The following LACTB variants were observed in gnomAD, a reference collection of about 807,000 sequenced individuals.
LACTB encodes lactamase beta.
In LACTB, 35 loss-of-function variants were observed where a neutral mutation model predicts 50.2. That is an observed-to-expected ratio of 0.70 (90% confidence interval 0.53 to 0.92). LACTB has a LOEUF of 0.92. LACTB is among the 40% of genes least tolerant of loss of function. The pLI, the probability that LACTB is intolerant of heterozygous loss-of-function variation, is 0.00. For missense variants in LACTB, 664 were observed against 691.8 expected (o/e 0.96, Z 0.45); for synonymous variants, 252 against 268.2 (o/e 0.94, Z 0.59).
intron 4 of LACTB, among the ~76,000 whole-genome samples, chr15:63,128,330 C>T (rs1477461991): frequency 6.6e-6 from 1 of 152,318 alleles, no homozygotes; most frequent in African/African-American, 2.4e-5. Context: ...GCACAGTTGG[C>T]TCACGCCTAT....
intron 5 of LACTB, among the ~76,000 whole-genome samples, chr15:63,132,200 C>T (rs889697689): frequency 4.6e-5 from 7 of 152,104 alleles, no homozygotes; most frequent in Admixed American, 6.6e-5. Flanking sequence ...CCTTGCCCTC[C>T]TCCCTGCGTC....
At chr15:63,137,740 G>A (rs915143286) in intron 5 of LACTB, among the ~76,000 whole-genome samples, 3 of 152,158 alleles carry the variant, frequency 2.0e-5, no homozygotes, top group East Asian at 1.9e-4. Context: ...TTTTGTACCC[G>A]TTAACCATCC....
At chr15:63,124,982 C>G (rs2037031112) in intron 2 of LACTB, among the ~76,000 whole-genome samples, 2 of 151,554 alleles carry the variant, frequency 1.3e-5, no homozygotes, top group South Asian at 4.2e-4. Flanking sequence ...GTTTCATATG[C>G]CATTTAAAGG....
chr15:63,141,905 G>A lies in LACTB; in HGVS notation c.*100G>A, dbSNP rs1355174407. The A allele has an allele frequency of 2.0e-6, 2 of 1,000,014 alleles. No homozygotes were observed. The highest frequency in any genetic ancestry group is 2.9e-6 in the Non-Finnish European group (2 of 693,574). The allele number at this position is 1,000,014 out of a possible 1,614,324, so 61.9% of individuals were successfully genotyped here. A position where few individuals can be genotyped will look rare whatever the true frequency, so the allele number is the denominator to read the frequency against. ...TTTTTAAGAATAAATTTGAAATAGA[G>A]TATAACTGAATGCAGAGAATTATGT... is the stretch of plus-strand genomic sequence containing the variant. On this transcript the variant is annotated 3_prime_UTR_variant, in exon 6 of 6. Transcript: ENST00000261893.
intron 4 of LACTB, among the ~76,000 whole-genome samples, chr15:63,128,085 T>G (rs1219615606): frequency 6.6e-6 from 1 of 152,260 alleles, no homozygotes; most frequent in Middle Eastern, 3.2e-3. Context: ...AAATGAGTGT[T>G]CATCACTAAT....
At position 63,127,517 on chromosome 15, in the gene LACTB, T is replaced by C; in HGVS notation, c.780T>C (p.Asn260=). The part of the protein sequence containing the change: ...QEKEGKSNEK[N]DFTKFKTEQE... ...AAGAAGGCAAAAGTAATGAAAAGAA[T>C]GATTTTACTAAATTTAAAACAGAGC... The change falls in exon 4 of 6, where the codon AAT becomes AAC. Residue 260 remains asparagine (N), a synonymous_variant. Coordinates refer to ENST00000261893, the MANE Select transcript of LACTB (RefSeq NM_032857.5). 6.2e-7 allele frequency: 1 copy of C among 1,613,598 alleles called. No homozygotes were observed. Among genetic ancestry groups the C allele is most frequent in the Middle Eastern group, 1.7e-4 (1 of 6,058 alleles).
intron 5 of LACTB, 89 bp from the exon 6 acceptor site, chr15:63,141,191 C>T: frequency 2.1e-6 from 3 of 1,456,972 alleles, no homozygotes; most frequent in South Asian, 1.5e-5. Flanking sequence ...CATTGAAATA[C>T]AATCTCTCTC....
intron 4 of LACTB, among the ~76,000 whole-genome samples, chr15:63,128,991 C>G (rs776448242): frequency 2.4e-4 from 37 of 152,318 alleles, no homozygotes; most frequent in African/African-American, 6.0e-4. Flanking sequence ...GATCCTCCCC[C>G]CTTGGCCTCC....
chr15:63,141,579 A>G lies in LACTB; in HGVS notation c.1418A>G (p.Tyr473Cys). ...GGTGTTGTGGAAAGGAAACAAACGT[A>G]TGGTTCGTGTAGAAAGCAACGGCAT... ...AWGVVERKQT[Y>C]GSCRKQRHYA... is the part of the protein sequence containing the mutation. Residue 473 changes from tyrosine (Y) to cysteine (C), a missense_variant, in exon 6 of 6, where the codon TAT (tyrosine) becomes TGT (cysteine). Transcript: ENST00000261893. 6.2e-7 allele frequency: 1 copy of G among 1,614,236 alleles called. No homozygotes were observed. Among genetic ancestry groups the G allele is most frequent in the Non-Finnish European group, 8.5e-7 (1 of 1,180,042 alleles).
chr15:63,123,821 G>A (rs982715228), intron 2 of LACTB, among the ~76,000 whole-genome samples: 4 of 152,236 alleles, frequency 2.6e-5, no homozygotes, highest in Admixed American at 6.5e-5. Flanking sequence ...CTGCTATCTA[G>A]AAGGCAGAGC....
chr15:63,122,329 C>T, intron 1 of LACTB, 101 bp downstream of exon 1: 1 of 1,012,540 alleles, frequency 9.9e-7, no homozygotes, highest in South Asian at 1.7e-5. Context: ...GCGGGGTGCC[C>T]GCGATCGGCT....
Position 63,122,190 on chromosome 15 carries a change from G to A in LACTB, c.319G>A (p.Ala107Thr), listed in dbSNP as rs781063730. The change falls in exon 1 of 6, where the codon GCC becomes ACC. Residue 107 changes from alanine (A) to threonine (T), a missense_variant. By Grantham distance (58) the Ala-to-Thr change is moderately conservative. Coordinates refer to ENST00000261893, the MANE Select transcript of LACTB (RefSeq NM_032857.5). The stretch of plus-strand genomic sequence containing the variant: ...GCCCTGCTCCAGGTGCTTCGCCAGA[G>A]CCATCGAGAGCAGCCGCGACCTGCT... ...APPCSRCFAR[A>T]IESSRDLLHR... The A allele has an allele frequency of 5.8e-6, 9 of 1,541,254 alleles. No individual in the cohort carries two copies. The East Asian group carries it at 1.7e-4, about 29-fold the overall frequency.
chr15:63,136,037 C>A (rs1258531888), intron 5 of LACTB, among the ~76,000 whole-genome samples: 1 of 126,516 alleles, frequency 7.9e-6, no homozygotes, highest in African/African-American at 2.7e-5. Flanking sequence ...ATTTCATTTT[C>A]TTTTCTTTTT....
intron 5 of LACTB, among the ~76,000 whole-genome samples, chr15:63,133,973 T>C (rs1007771783): frequency 6.6e-6 from 1 of 152,244 alleles, no homozygotes; most frequent in Non-Finnish European, 1.5e-5. Context: ...AAGAACAAAA[T>C]ACTTATGAAA....
rs751058328 is a variant in LACTB, at chr15:63,127,492, A to G, written c.755A>G (p.Lys252Arg). Residue 252 changes from lysine to arginine, a missense_variant, in exon 4 of 6, where the codon AAA (lysine) becomes AGA (arginine). Lys to Arg is a conservative substitution (Grantham distance 26). Transcript: ENST00000261893. ...MKENVAFEQE[K>R]EGKSNEKNDF... ...GAGAATGTTGCATTTGAGCAAGAAA[A>G]AGAAGGCAAAAGTAATGAAAAGAAT... 5 of 1,613,626 alleles carry G rather than the reference A, an allele frequency of 3.1e-6. No homozygotes were observed.
At chr15:63,135,100 A>G (rs1000967532) in intron 5 of LACTB, among the ~76,000 whole-genome samples, 5 of 152,206 alleles carry the variant, frequency 3.3e-5, no homozygotes, top group African/African-American at 1.2e-4. Flanking sequence ...TTTACCTTGC[A>G]TATTTCCATT....
At chr15:63,138,782 G>A (rs934861197) in intron 5 of LACTB, among the ~76,000 whole-genome samples, 1 of 152,104 alleles carries the variant, frequency 6.6e-6, no homozygotes, top group Non-Finnish European at 1.5e-5. Flanking sequence ...GCTTACACCT[G>A]TAATCCTAGC....
At chr15:63,132,200 C>G (rs889697689) in intron 5 of LACTB, among the ~76,000 whole-genome samples, 1 of 152,222 alleles carries the variant, frequency 6.6e-6, no homozygotes, top group African/African-American at 2.4e-5. Context: ...CCTTGCCCTC[C>G]TCCCTGCGTC....
rs551873817 is a variant in LACTB, at chr15:63,122,559, C to T, written c.358-77C>T. On this transcript the variant is annotated intron_variant, in intron 1 of 5. Transcript: ENST00000261893. ...GGGGCCCAGGCTCAGGGGGCGGGGC[C>T]TTGGAAGGTCCCCGAGGAGAGCGCT... The T allele has an allele frequency of 1.0e-4, 120 of 1,194,590 alleles. 1 individual carries two copies. The African/African-American group carries it at 1.6e-3, about 16-fold the overall frequency. The allele number at this position is 1,194,590 out of a possible 1,614,324, so 74.0% of individuals were successfully genotyped here.
Sources: allele counts gnomAD v4.1 joint callset (sites outside exome capture counted in the v4.1 genomes callset), GRCh38; gene constraint gnomAD v4.1.1; transcripts MANE v1.5; gene names NCBI Gene and HGNC (gene_info 2026-07-23, HGNC 2026-07-21).